The following RIMS1 variants were observed in gnomAD, a reference collection of about 807,000 sequenced individuals.
RIMS1 encodes the protein regulating synaptic membrane exocytosis 1, also known as regulating synaptic membrane exocytosis protein 1.
A neutral mutation model predicts 214.1 loss-of-function variants in RIMS1; 83 were observed. The observed-to-expected ratio is 0.39, with a 90% CI of 0.32 to 0.47. The LOEUF is 0.47. Ranked by LOEUF, RIMS1 falls within the 20% of genes least tolerant of loss-of-function variation. The pLI is 0.99. For missense variants in RIMS1, 2,050 were observed against 2,161.8 expected (o/e 0.95, Z 1.03); for synonymous variants, 793 against 786.8 (o/e 1.01, Z -0.13).
intron 4 of RIMS1, among the ~76,000 whole-genome samples, chr6:72,125,438 G>T (rs1313383625): frequency 2.6e-5 from 4 of 152,186 alleles, no homozygotes; most frequent in African/African-American, 9.6e-5. Context: ...CTGCACAGGG[G>T]TCAGGGACCC....
At chr6:72,355,043 A>G (rs894096680) in intron 29 of RIMS1, among the ~76,000 whole-genome samples, 3 of 152,210 alleles carry the variant, frequency 2.0e-5, no homozygotes, top group African/African-American at 7.2e-5. Flanking sequence ...AATGCTATCA[A>G]CCAATAAGGT....
chr6:72,153,261 G>A (rs932872305), intron 4 of RIMS1, among the ~76,000 whole-genome samples: 1 of 148,004 alleles, frequency 6.8e-6, no homozygotes, highest in Non-Finnish European at 1.5e-5. Flanking sequence ...TTCAAAATAA[G>A]AGAGTTGGAC....
chr6:72,327,803 T>C (rs905583300), intron 28 of RIMS1, among the ~76,000 whole-genome samples: 6 of 151,868 alleles, frequency 4.0e-5, no homozygotes, highest in African/African-American at 1.2e-4. Context: ...TTCACTTTGA[T>C]TCTACTGAGT....
chr6:72,250,128 A>C (rs980281327), intron 12 of RIMS1, among the ~76,000 whole-genome samples: 9 of 152,196 alleles, frequency 5.9e-5, no homozygotes, highest in African/African-American at 2.2e-4. Context: ...TGCCAGTTGT[A>C]GGTTATGTTT....
intron 28 of RIMS1, among the ~76,000 whole-genome samples, chr6:72,319,882 C>T (rs902815299): frequency 1.6e-4 from 25 of 152,118 alleles, no homozygotes; most frequent in African/African-American, 5.1e-4. Flanking sequence ...CCTTACCAGA[C>T]TGTTTGAGAA....
chr6:72,009,265 T>C (rs1188225724), intron 2 of RIMS1, among the ~76,000 whole-genome samples: 3 of 152,184 alleles, frequency 2.0e-5, no homozygotes, highest in Non-Finnish European at 4.4e-5. Context: ...AAAGATGTTC[T>C]TTGAAACCAA....
intron 4 of RIMS1, among the ~76,000 whole-genome samples, chr6:72,161,039 A>G (rs1448783525): frequency 7.2e-6 from 1 of 138,990 alleles, no homozygotes; most frequent in East Asian, 2.0e-4. Context: ...GTTGGTAGGC[A>G]ATTAATTATT....
intron 4 of RIMS1, among the ~76,000 whole-genome samples, chr6:72,157,674 C>T (rs1033752502): frequency 2.1e-5 from 3 of 139,916 alleles, no homozygotes; most frequent in African/African-American, 7.4e-5. Flanking sequence ...TTCTAGTAGT[C>T]TTTCTTCTAA....
intron 2 of RIMS1, among the ~76,000 whole-genome samples, chr6:72,045,713 T>C (rs1036220544): frequency 2.0e-5 from 3 of 151,930 alleles, no homozygotes; most frequent in Non-Finnish European, 4.4e-5. Context: ...TAAGTGGTTC[T>C]TTTTTATTAT....
At chr6:72,103,058 A>G (rs747704837) in intron 4 of RIMS1, among the ~76,000 whole-genome samples, 21 of 152,230 alleles carry the variant, frequency 1.4e-4, no homozygotes, top group South Asian at 4.1e-4. Flanking sequence ...AATTCTTCCC[A>G]GAAAAATAAC....
At chr6:71,992,599 C>T (rs1802139617) in intron 2 of RIMS1, among the ~76,000 whole-genome samples, 1 of 126,796 alleles carries the variant, frequency 7.9e-6, no homozygotes, top group African/African-American at 3.1e-5. Flanking sequence ...TCTCCTCCTC[C>T]TTCTCCTTCT....
intron 2 of RIMS1, among the ~76,000 whole-genome samples, chr6:72,058,111 G>A (rs551610): frequency 0.78 from 119,033 of 152,168 alleles, 47,354 homozygotes; most frequent in African/African-American, 0.94. Flanking sequence ...AGGGAAACCA[G>A]CTGGTCCTCT....
At chr6:72,275,579 T>C (rs1449651217) in intron 23 of RIMS1, among the ~76,000 whole-genome samples, 1 of 152,118 alleles carries the variant, frequency 6.6e-6, no homozygotes, top group Non-Finnish European at 1.5e-5. Context: ...CATCTTTTAA[T>C]CTCTAAGATA....
intron 2 of RIMS1, among the ~76,000 whole-genome samples, chr6:72,060,394 A>G (rs926018259): frequency 5.3e-5 from 8 of 152,146 alleles, no homozygotes; most frequent in Non-Finnish European, 1.0e-4. Flanking sequence ...GCATTACAGT[A>G]AGTGTGCCAT....
chr6:72,323,404 AAC>A (rs1362193101), intron 28 of RIMS1, among the ~76,000 whole-genome samples: 2 of 152,070 alleles, frequency 1.3e-5, no homozygotes, highest in Non-Finnish European at 2.9e-5. Flanking sequence ...TGGATTATTT[AAC>A]AGAGACCTGG....
chr6:72,140,156 A>G (rs2041904876), intron 4 of RIMS1, among the ~76,000 whole-genome samples: 2 of 152,156 alleles, frequency 1.3e-5, no homozygotes, highest in Admixed American at 1.3e-4. Context: ...TCTATAAAAG[A>G]CTGATTTATT....
chr6:72,043,541 T>C (rs936660140), intron 2 of RIMS1, among the ~76,000 whole-genome samples: 1 of 151,774 alleles, frequency 6.6e-6, no homozygotes, highest in African/African-American at 2.4e-5. Flanking sequence ...CTTTTTATCT[T>C]CTTAAGGATA....
At chr6:72,074,757 A>G (rs1446799268) in intron 2 of RIMS1, among the ~76,000 whole-genome samples, 1 of 152,154 alleles carries the variant, frequency 6.6e-6, no homozygotes, top group Non-Finnish European at 1.5e-5. Flanking sequence ...TAATTAAAGT[A>G]TGTGTATTGT....
At chr6:71,922,377 A>G (rs992527926) in intron 1 of RIMS1, among the ~76,000 whole-genome samples, 1 of 151,984 alleles carries the variant, frequency 6.6e-6, no homozygotes, top group African/African-American at 2.4e-5. Flanking sequence ...GAATTTGCCT[A>G]TTTTAGGTAC....
Sources: allele counts gnomAD v4.1 joint callset (sites outside exome capture counted in the v4.1 genomes callset), GRCh38; gene constraint gnomAD v4.1.1; transcripts MANE v1.5; gene names NCBI Gene and HGNC (gene_info 2026-07-23, HGNC 2026-07-21).